The following ASPH variants were observed in gnomAD, a reference collection of about 807,000 sequenced individuals.
ASPH encodes aspartate beta-hydroxylase.
Under a neutral mutation model 118.4 loss-of-function variants are expected in ASPH, and 100 were observed. That is an observed-to-expected ratio of 0.84 (90% CI 0.72 to 1.00). The LOEUF (loss-of-function observed/expected upper bound fraction) is 1.00, where lower values mean the gene tolerates loss of function less well. Among genes scored for constraint, ASPH ranks in the 50% least tolerant of loss-of-function variants. The pLI is 0.00. For missense variants in ASPH, 920 were observed against 919.5 expected, an observed-to-expected ratio of 1.00 and a Z score of -0.01; for synonymous variants, 315 against 325.6, an observed-to-expected ratio of 0.97 and a Z score of 0.35.
chr8:61,702,673 C>G (rs1301851164), intron 1 of ASPH, among the ~76,000 whole-genome samples: 15 of 152,162 alleles, frequency 9.9e-5, no homozygotes, highest in Non-Finnish European at 5.9e-5. Context: ...AGAATATGAC[C>G]TTGATAACAA....
intron 3 of ASPH, chr8:61,664,006 T>G: frequency 1.1e-6 from 1 of 875,090 alleles, no homozygotes; most frequent in Non-Finnish European, 1.4e-6. Flanking sequence ...AAAAATAAAA[T>G]CTTAGTGGTA....
At chr8:61,697,862 C>T (rs1834297525) in intron 1 of ASPH, among the ~76,000 whole-genome samples, 1 of 152,150 alleles carries the variant, frequency 6.6e-6, no homozygotes, top group African/African-American at 2.4e-5. Flanking sequence ...AATCAGAGTT[C>T]ACTGTAGCCT....
intron 22 of ASPH, among the ~76,000 whole-genome samples, chr8:61,523,114 C>G (rs1229112301): frequency 6.6e-6 from 1 of 152,070 alleles, no homozygotes; most frequent in East Asian, 1.9e-4. Flanking sequence ...AGATATTCAT[C>G]ACCTTTTTCT....
At chr8:61,682,065 A>G in intron 2 of ASPH, among the ~76,000 whole-genome samples, 1 of 152,010 alleles carries the variant, frequency 6.6e-6, no homozygotes, top group East Asian at 1.9e-4. Context: ...AACAGGCAGA[A>G]ATTTTGGCTC....
chr8:61,601,293 T>C (rs1843889039), intron 14 of ASPH, among the ~76,000 whole-genome samples: 1 of 150,964 alleles, frequency 6.6e-6, no homozygotes, highest in Non-Finnish European at 1.5e-5. Flanking sequence ...ATACACACCT[T>C]TGTAAGTGGG....
chr8:61,702,809 A>G (rs1835589975), intron 1 of ASPH, among the ~76,000 whole-genome samples: 2 of 152,350 alleles, frequency 1.3e-5, no homozygotes, highest in South Asian at 2.1e-4. Context: ...TTTAAATTAG[A>G]GCATCTATTG....
intron 13 of ASPH, among the ~76,000 whole-genome samples, chr8:61,622,857 A>G (rs574280135): frequency 6.6e-6 from 1 of 152,196 alleles, no homozygotes; most frequent in Non-Finnish European, 1.5e-5. Flanking sequence ...AGTACTCCGC[A>G]GAGTGGGTGC....
At chr8:61,650,812 T>A (rs145260195) in intron 5 of ASPH, among the ~76,000 whole-genome samples, 1 of 152,304 alleles carries the variant, frequency 6.6e-6, no homozygotes, top group Non-Finnish European at 1.5e-5. Context: ...CATTCTCATT[T>A]ATTCCCACCA....
intron 15 of ASPH, chr8:61,579,538 G>C: frequency 6.5e-7 from 1 of 1,547,680 alleles, no homozygotes; most frequent in Non-Finnish European, 8.8e-7. Context: ...TACGGCCTGG[G>C]CTCCAGCTTT....
In ASPH at chr8:61,577,814, G is replaced by A. The variant is rs117977943; in HGVS notation, c.1063-956C>T. On this transcript the variant is annotated intron_variant, in intron 15 of 24. Transcript: ENST00000379454. ...CCTTGATCCAATCACCTTCCACCAG[G>A]TGTCTCTCTAGGCACATGGGGATTA... is the stretch of plus-strand genomic sequence containing the variant. Among the ~76,000 whole-genome samples, 6 of 152,274 alleles carry A rather than the reference G, an allele frequency of 3.9e-5. No individual in the cohort carries two copies. In the East Asian group the frequency reaches 1.2e-3, roughly 29 times the overall value.
At chr8:61,659,016 G>T (rs1815300298) in intron 3 of ASPH, 1 of 152,482 alleles carries the variant, frequency 6.6e-6, no homozygotes, top group Admixed American at 6.5e-5. Context: ...AGCCACTTGG[G>T]AGGGTCAGAG....
intron 21 of ASPH, among the ~76,000 whole-genome samples, chr8:61,539,699 G>GGGGGGGGGTGTGTGTGTGTGTGTGT (rs1554618405): frequency 8.1e-6 from 1 of 124,214 alleles, no homozygotes; most frequent in African/African-American, 2.8e-5. Context: ...ACACTTCTGG[G>GGGGGGGGGTGTGTGTGTGTGTGTGT]GTGTGTGTGT....
chr8:61,625,072 A>C, intron 13 of ASPH: 1 of 985,792 alleles, frequency 1.0e-6, no homozygotes, highest in Non-Finnish European at 1.2e-6. Context: ...TAACAAAATC[A>C]AGAGCTACCC....
At chr8:61,606,207 C>T (rs530683337) in intron 14 of ASPH, among the ~76,000 whole-genome samples, 1 of 152,314 alleles carries the variant, frequency 6.6e-6, no homozygotes, top group South Asian at 2.1e-4. Context: ...TAAATGCTCA[C>T]CCAAGTTCAT....
chr8:61,676,012 GA>G (rs1825138232), intron 3 of ASPH: 2 of 1,580,788 alleles, frequency 1.3e-6, no homozygotes, highest in Non-Finnish European at 1.7e-6. Context: ...GCCAAGGAAA[GA>G]AAAGAAAAAG....
chr8:61,621,625 T>C (rs574850102), intron 13 of ASPH, among the ~76,000 whole-genome samples: 107 of 152,322 alleles, frequency 7.0e-4, no homozygotes, highest in African/African-American at 2.5e-3. Context: ...TTTAAACTTC[T>C]CATCATTCAT....
chr8:61,706,179 T>C (rs1376008939), intron 1 of ASPH, among the ~76,000 whole-genome samples: 3 of 149,876 alleles, frequency 2.0e-5, no homozygotes, highest in African/African-American at 7.4e-5. Flanking sequence ...TCCCAGCACT[T>C]TGGGAAGTCG....
intron 14 of ASPH, among the ~76,000 whole-genome samples, chr8:61,611,280 C>T (rs764571387): frequency 1.3e-5 from 2 of 152,228 alleles, no homozygotes; most frequent in Non-Finnish European, 2.9e-5. Flanking sequence ...TTCTTGTATA[C>T]TCTCATAATG....
Position 61,692,984 on chromosome 8 carries a change from A to G in ASPH, c.104-8796T>C, listed in dbSNP as rs1244766100. 2.0e-5 allele frequency among the ~76,000 whole-genome samples: 3 copies of G among 151,560 alleles called. No homozygotes were observed. In the East Asian group the frequency reaches 5.8e-4, roughly 29 times the overall value. ...AGAAAAAAAGAAAACGATGACATCAACAACAAAACCCTGCTCCCTGCTCCT... is the reference window on the plus strand; with the variant it reads ...AGAAAAAAAGAAAACGATGACATCAGCAACAAAACCCTGCTCCCTGCTCCT... On this transcript the variant is annotated intron_variant, in intron 1 of 24. Transcript: ENST00000379454.
Sources: gnomAD v4.1 joint callset for allele counts (sites outside exome capture counted in the v4.1 genomes callset) on GRCh38, gnomAD v4.1.1 for gene constraint, MANE v1.5 for transcripts, NCBI Gene and HGNC (gene_info 2026-07-23, HGNC 2026-07-21) for gene names.